FRMD4A: variants seen among roughly 807,000 people sequenced by gnomAD.
FRMD4A encodes FERM domain containing 4A.
FRMD4A carries 29 observed loss-of-function variants against 129.1 expected under a neutral mutation model. The observed-to-expected ratio is 0.22, with a 90% CI of 0.17 to 0.31. The LOEUF is 0.31. Ranked by LOEUF, FRMD4A falls within the 10% of genes least tolerant of loss-of-function variation. FRMD4A has a pLI of 1.00. For missense variants in FRMD4A, 1,272 were observed against 1,375.8 expected (o/e 0.92, Z 1.19); for synonymous variants, 634 against 571.6 (o/e 1.11, Z -1.56).
rs572480214 is a variant in FRMD4A at position 13,910,453 on chromosome 10, C to T, written c.46-51541G>A. Among the ~76,000 whole-genome samples, 16 of 152,242 alleles carry T rather than the reference C, an allele frequency of 1.1e-4. No individual in the cohort carries two copies. In the East Asian group the frequency reaches 1.5e-3, roughly 15 times the overall value. On this transcript the variant is annotated intron_variant, in intron 2 of 24. Coordinates refer to ENST00000357447, the MANE Select transcript of FRMD4A (RefSeq NM_018027.5). ...AGAGGAGAACTGCCTTGCTGAGCCC[C>T]GCCTGGATTACCAACATATGCAATC...
chr10:14,260,144 G>A (rs1844750768), intron 2 of FRMD4A, among the ~76,000 whole-genome samples: 1 of 152,052 alleles, frequency 6.6e-6, no homozygotes, highest in Non-Finnish European at 1.5e-5. Context: ...AAGAAGACAT[G>A]ATGTGTGCCA....
At chr10:13,791,888 C>T (rs2093010132) in intron 5 of FRMD4A, among the ~76,000 whole-genome samples, 1 of 152,180 alleles carries the variant, frequency 6.6e-6, no homozygotes, top group Admixed American at 6.5e-5. Flanking sequence ...GACAGAAAAG[C>T]ACAGTTCAAA....
chr10:14,103,364 C>A (rs964210459), intron 2 of FRMD4A, among the ~76,000 whole-genome samples: 1 of 152,208 alleles, frequency 6.6e-6, no homozygotes, highest in Non-Finnish European at 1.5e-5. Flanking sequence ...AACCTTCTCT[C>A]TCTTTTTCCT....
intron 2 of FRMD4A, among the ~76,000 whole-genome samples, chr10:14,022,492 C>T (rs565722431): frequency 2.0e-5 from 3 of 152,324 alleles, no homozygotes; most frequent in Non-Finnish European, 4.4e-5. Flanking sequence ...GTTGGAATCA[C>T]ATGATTTAAT....
intron 8 of FRMD4A, among the ~76,000 whole-genome samples, chr10:13,759,549 T>C (rs528206279): frequency 6.6e-6 from 1 of 152,342 alleles, no homozygotes; most frequent in Admixed American, 6.5e-5. Context: ...GTAAGTAGAC[T>C]AGACACTGGA....
intron 2 of FRMD4A, among the ~76,000 whole-genome samples, chr10:14,179,552 C>T (rs1173401756): frequency 2.0e-5 from 3 of 152,112 alleles, no homozygotes; most frequent in Admixed American, 6.5e-5. Flanking sequence ...AATATCCGAA[C>T]CTAGCACAGA....
intron 2 of FRMD4A, among the ~76,000 whole-genome samples, chr10:14,058,721 T>G (rs1411514756): frequency 6.6e-6 from 1 of 152,130 alleles, no homozygotes; most frequent in East Asian, 1.9e-4. Context: ...TCCTTGAGGT[T>G]ACATGAGGCC....
intron 2 of FRMD4A, among the ~76,000 whole-genome samples, chr10:14,049,526 A>G (rs73593398): frequency 0.045 from 6,813 of 152,272 alleles, 297 homozygotes; most frequent in African/African-American, 0.12. Context: ...TGCATAATTC[A>G]TAATGTCGTA....
rs1300068312 is a variant in FRMD4A, at chr10:13,670,428, T to C, written c.1352A>G (p.Gln451Arg). ...RIGTAFKLDE[Q>R]KILPKGEEAE... ...CACCTCTCCTTTGGGCAGGATTTTC[T>C]GTTCATCCAGTTTGAAGGCTGTTCC... The change falls in exon 17 of 25, where the codon CAG becomes CGG. Residue 451 changes from glutamine (Q) to arginine (R), a missense_variant. Coordinates refer to ENST00000357447, the MANE Select transcript of FRMD4A (RefSeq NM_018027.5). 3 of 1,613,598 alleles carry C rather than the reference T, an allele frequency of 1.9e-6. No homozygotes were observed. Among genetic ancestry groups the C allele is most frequent in the Non-Finnish European group, 1.7e-6 (2 of 1,179,652 alleles).
intron 2 of FRMD4A, among the ~76,000 whole-genome samples, chr10:13,905,681 T>A (rs1381640382): frequency 6.6e-6 from 1 of 152,242 alleles, no homozygotes; most frequent in African/African-American, 2.4e-5. Context: ...TCTTGTTAAT[T>A]TCCATTGTAT....
chr10:14,260,057 A>AT (rs1844747253), intron 2 of FRMD4A, among the ~76,000 whole-genome samples: 1 of 148,616 alleles, frequency 6.7e-6, no homozygotes, highest in Non-Finnish European at 1.5e-5. Flanking sequence ...CTCCTTTTTT[A>AT]TTTTTTGGCA....
At chr10:14,046,483 A>G (rs1833996065) in intron 2 of FRMD4A, among the ~76,000 whole-genome samples, 1 of 152,140 alleles carries the variant, frequency 6.6e-6, no homozygotes, top group South Asian at 2.1e-4. Context: ...TATTTTGAAA[A>G]CTCATTTCCA....
intron 2 of FRMD4A, among the ~76,000 whole-genome samples, chr10:14,226,508 T>A (rs1472768071): frequency 6.6e-6 from 1 of 152,180 alleles, no homozygotes; most frequent in Non-Finnish European, 1.5e-5. Flanking sequence ...AAGCAAGGTT[T>A]TGGTAGGGTT....
At chr10:13,742,202 G>C (rs1185086907) in intron 9 of FRMD4A, among the ~76,000 whole-genome samples, 2 of 152,162 alleles carry the variant, frequency 1.3e-5, no homozygotes, top group African/African-American at 2.4e-5. Flanking sequence ...CTCCTTGGCA[G>C]CAGTGGCAAG....
chr10:13,975,819 G>C (rs2095540373), intron 2 of FRMD4A, among the ~76,000 whole-genome samples: 1 of 152,192 alleles, frequency 6.6e-6, no homozygotes, highest in African/African-American at 2.4e-5. Flanking sequence ...GGTGCAAGCA[G>C]CCAGCCAGAC....
chr10:13,707,081 G>A lies in FRMD4A; in HGVS notation c.792C>T (p.Tyr264=). 1 of 1,595,412 alleles carries A rather than the reference G, an allele frequency of 6.3e-7. No homozygotes were observed. The highest frequency in any genetic ancestry group is 8.6e-7 in the Non-Finnish European group (1 of 1,162,994). ...CCACGGAAAACTTCTTTTCTCTGAA[G>A]TACAGGTTTTCCAACTGTCTCCATT... is the stretch of plus-strand genomic sequence containing the variant. The part of the protein sequence containing the change: ...IFQWRQLENL[Y]FREKKFSVEV... The change falls in exon 13 of 25, where the codon TAC becomes TAT. Residue 264 remains tyrosine, a synonymous_variant. Coordinates refer to ENST00000357447, the MANE Select transcript of FRMD4A (RefSeq NM_018027.5).
intron 8 of FRMD4A, among the ~76,000 whole-genome samples, chr10:13,750,804 GGT>G (rs1200646212): frequency 3.9e-5 from 6 of 152,168 alleles, no homozygotes; most frequent in Non-Finnish European, 8.8e-5. Flanking sequence ...TTTTCAAACG[GGT>G]AAACTCCTAG....
chr10:14,083,720 C>G (rs1836071866), intron 2 of FRMD4A: 1 of 152,184 alleles, frequency 6.6e-6, no homozygotes, highest in Non-Finnish European at 1.5e-5. Context: ...GCAGATTGCT[C>G]TCTTAGCCAC....
intron 14 of FRMD4A, among the ~76,000 whole-genome samples, chr10:13,696,788 T>C (rs1260875615): frequency 6.6e-6 from 1 of 152,136 alleles, no homozygotes; most frequent in Non-Finnish European, 1.5e-5. Context: ...CTCTTCCCAG[T>C]GAATCACTAT....
Sources: allele counts gnomAD v4.1 joint callset (sites outside exome capture counted in the v4.1 genomes callset), GRCh38; gene constraint gnomAD v4.1.1; transcripts MANE v1.5; gene names NCBI Gene and HGNC (gene_info 2026-07-23, HGNC 2026-07-21).